CHRM3: variants seen among roughly 807,000 people sequenced by gnomAD.
The protein encoded by CHRM3 is cholinergic receptor muscarinic 3.
Under a neutral mutation model 41.8 loss-of-function variants are expected in CHRM3, and 11 were observed. The observed-to-expected ratio is 0.26, with a 90% CI of 0.17 to 0.44. CHRM3 has a LOEUF of 0.44. Among genes scored for constraint, CHRM3 ranks in the 20% least tolerant of loss-of-function variants. The pLI, the probability that CHRM3 is intolerant of heterozygous loss-of-function variation, is 1.00. For synonymous variants in CHRM3, 297 were observed against 301.4 expected, an observed-to-expected ratio of 0.99 and a Z score of 0.15; for missense variants, 571 against 745.4, an observed-to-expected ratio of 0.77 and a Z score of 2.72.
intron 2 of CHRM3, among the ~76,000 whole-genome samples, chr1:239,511,791 A>G (rs1020224288): frequency 6.6e-6 from 1 of 152,232 alleles, no homozygotes; most frequent in East Asian, 1.9e-4. Flanking sequence ...GGAAATTGAG[A>G]TGAAAAGTGC....
chr1:239,844,567 A>G (rs1243228616), intron 6 of CHRM3, among the ~76,000 whole-genome samples: 1 of 152,234 alleles, frequency 6.6e-6, no homozygotes, highest in Non-Finnish European at 1.5e-5. Context: ...ACTCAAATTC[A>G]GGAAGAATTT....
At chr1:239,697,510 A>G (rs1413239396) in intron 5 of CHRM3, among the ~76,000 whole-genome samples, 4 of 152,176 alleles carry the variant, frequency 2.6e-5, no homozygotes, top group African/African-American at 9.7e-5. Flanking sequence ...AAGGAGAAGC[A>G]TTTGAGCAAA....
intron 6 of CHRM3, among the ~76,000 whole-genome samples, chr1:239,828,862 A>T (rs895967323): frequency 6.6e-6 from 1 of 152,204 alleles, no homozygotes; most frequent in Non-Finnish European, 1.5e-5. Flanking sequence ...GAGGAGATCT[A>T]AGATGAACAA....
intron 3 of CHRM3, among the ~76,000 whole-genome samples, chr1:239,602,125 T>C (rs1433319341): frequency 6.3e-5 from 9 of 144,000 alleles, no homozygotes; most frequent in Non-Finnish European, 9.0e-5. Context: ...TATATATATA[T>C]ATATATATAT....
chr1:239,505,130 C>A (rs904696289), intron 2 of CHRM3, among the ~76,000 whole-genome samples: 18 of 152,050 alleles, frequency 1.2e-4, no homozygotes, highest in African/African-American at 4.3e-4. Context: ...TTACTGATTT[C>A]TTTGCCTTTG....
intron 1 of CHRM3, among the ~76,000 whole-genome samples, chr1:239,441,939 T>A (rs1663755362): frequency 6.6e-6 from 1 of 152,214 alleles, no homozygotes; most frequent in Admixed American, 6.5e-5. Context: ...GACATTAAAA[T>A]AAAATTCCAA....
intron 5 of CHRM3, among the ~76,000 whole-genome samples, chr1:239,683,809 A>G (rs917754492): frequency 2.6e-5 from 4 of 152,242 alleles, no homozygotes; most frequent in East Asian, 1.9e-4. Flanking sequence ...CTATTTTTCT[A>G]TGAAATCTCT....
chr1:239,576,168 A>G (rs1662314924), intron 3 of CHRM3, among the ~76,000 whole-genome samples: 1 of 152,134 alleles, frequency 6.6e-6, no homozygotes, highest in Admixed American at 6.6e-5. Flanking sequence ...TTAAGGTTGA[A>G]TAACGTCCAT....
At chr1:239,540,675 C>G (rs1157784548) in intron 2 of CHRM3, among the ~76,000 whole-genome samples, 1 of 152,124 alleles carries the variant, frequency 6.6e-6, no homozygotes, top group Non-Finnish European at 1.5e-5. Flanking sequence ...AGCATACTAA[C>G]TTCTAATTTT....
chr1:239,580,258 TCA>T (rs374479816), intron 3 of CHRM3, among the ~76,000 whole-genome samples: 27,545 of 132,400 alleles, frequency 0.21, 2,977 homozygotes, highest in Admixed American at 0.28. Context: ...ATACACACTG[TCA>T]CACACACACA....
At chr1:239,562,322 T>C (rs1660934944) in intron 3 of CHRM3, among the ~76,000 whole-genome samples, 1 of 152,066 alleles carries the variant, frequency 6.6e-6, no homozygotes, top group African/African-American at 2.4e-5. Flanking sequence ...CTTTACAAAA[T>C]GGATAAGAGA....
intron 5 of CHRM3, among the ~76,000 whole-genome samples, chr1:239,713,616 C>T (rs1419176587): frequency 6.6e-6 from 1 of 152,150 alleles, no homozygotes; most frequent in Non-Finnish European, 1.5e-5. Flanking sequence ...CTATGTTGGG[C>T]TTAGTTATTC....
chr1:239,809,262 C>T (rs1035395555), intron 5 of CHRM3, among the ~76,000 whole-genome samples: 25 of 152,054 alleles, frequency 1.6e-4, no homozygotes, highest in East Asian at 3.9e-4. Context: ...CCACGTGATC[C>T]GCCCGCCTCG....
Position 239,840,897 on chromosome 1 carries a change from T to C in CHRM3, c.-20+13519T>C, listed in dbSNP as rs183747212. On this transcript the variant is annotated intron_variant, in intron 6 of 6. Transcript: ENST00000676153. ...TCCATTTCTTTGTGATTAATATTCA[T>C]TGCCAGCACTCTGGCATGTGAAGTG... 1.6e-3 allele frequency among the ~76,000 whole-genome samples: 239 copies of C among 152,324 alleles called. 1 individual carries two copies. Among genetic ancestry groups the C allele is most frequent in the Non-Finnish European group, 2.7e-3 (182 of 68,032 alleles).
intron 6 of CHRM3, among the ~76,000 whole-genome samples, chr1:239,868,915 G>A (rs959851716): frequency 3.9e-5 from 6 of 152,156 alleles, no homozygotes; most frequent in Admixed American, 6.5e-5. Context: ...TCTGCTTCAC[G>A]TGAAATAAAT....
At chr1:239,726,078 G>C (rs1360458905) in intron 5 of CHRM3, among the ~76,000 whole-genome samples, 1 of 151,886 alleles carries the variant, frequency 6.6e-6, no homozygotes, top group Non-Finnish European at 1.5e-5. Context: ...TCATTTACAT[G>C]TTGTCTATGA....
chr1:239,850,365 C>G lies in CHRM3; in HGVS notation c.-20+22987C>G, dbSNP rs555615231. Reference sequence around the variant, plus strand: ...AGAAGGAAGAGAGGTGGGGCTGATCCTGCTGTCTCAGGGATAACAGAGGTG... The same window carrying G: ...AGAAGGAAGAGAGGTGGGGCTGATCGTGCTGTCTCAGGGATAACAGAGGTG... On this transcript the variant is annotated intron_variant, in intron 6 of 6. Transcript: ENST00000676153. Among the ~76,000 whole-genome samples, 8 of 152,194 alleles carry G rather than the reference C, an allele frequency of 5.3e-5. No individual in the cohort carries two copies. The South Asian group carries it at 1.7e-3, about 32-fold the overall frequency.
intron 4 of CHRM3, among the ~76,000 whole-genome samples, chr1:239,658,353 A>G (rs1672898415): frequency 1.3e-5 from 2 of 152,192 alleles, no homozygotes; most frequent in South Asian, 4.1e-4. Context: ...GTGATGGAAA[A>G]TATCCTGAGG....
intron 2 of CHRM3, among the ~76,000 whole-genome samples, chr1:239,520,609 C>G (rs1669576228): frequency 6.6e-6 from 1 of 152,126 alleles, no homozygotes; most frequent in Non-Finnish European, 1.5e-5. Flanking sequence ...GCCAATTAAA[C>G]CTCTTTTCTT....
Sources: allele counts gnomAD v4.1 joint callset (sites outside exome capture counted in the v4.1 genomes callset), GRCh38; gene constraint gnomAD v4.1.1; transcripts MANE v1.5; gene names NCBI Gene and HGNC (gene_info 2026-07-23, HGNC 2026-07-21).